The following LMNTD1 variants were observed in gnomAD, a reference collection of about 807,000 sequenced individuals.
LMNTD1 encodes the protein lamin tail domain containing 1, also known as lamin tail domain-containing protein 1.
LMNTD1 carries 35 observed loss-of-function variants against 50.9 expected under a neutral mutation model. The ratio of observed to expected loss-of-function variants is 0.69; its 90% CI spans 0.53 to 0.91. The LOEUF is 0.91. LMNTD1 is among the 40% of genes least tolerant of loss of function. The probability of loss-of-function intolerance (pLI) is 0.00; values close to 1 mark genes in which losing one functional copy is unlikely to be tolerated. For missense variants in LMNTD1, 470 were observed against 475.5 expected, an observed-to-expected ratio of 0.99 and a Z score of 0.11; for synonymous variants, 153 against 161.9, an observed-to-expected ratio of 0.94 and a Z score of 0.42.
chr12:25,582,601 A>G (rs1017764044), intron 1 of LMNTD1: 2 of 152,254 alleles, frequency 1.3e-5, no homozygotes, highest in African/African-American at 4.8e-5. Flanking sequence ...TCATGAAACC[A>G]TACATCTGGA....
chr12:25,524,401 A>G (rs1941564282), intron 6 of LMNTD1, among the ~76,000 whole-genome samples: 1 of 152,224 alleles, frequency 6.6e-6, no homozygotes, highest in Non-Finnish European at 1.5e-5. Flanking sequence ...AGGCACAGTT[A>G]CTTGTGCTTA....
rs139538324 is a variant in LMNTD1, at chr12:25,526,906, C to T, written c.541G>A (p.Val181Met). The T allele has an allele frequency of 3.8e-5, 62 of 1,611,580 alleles. No individual in the cohort carries two copies. The highest frequency in any genetic ancestry group is 4.8e-5 in the Non-Finnish European group (57 of 1,178,904). ...IAEVNVKGLF[V>M]KLINSSLDKE... ...TCAAGGGAAGAGTTAATGAGCTTCA[C>T]GAACAAACCCTTGACATTCACTTCA... The change falls in exon 5 of 10, where the codon GTG becomes ATG. Residue 181 changes from valine (V) to methionine (M), a missense_variant. Transcript: ENST00000458174.
chr12:25,538,441 T>A (rs1289297551), intron 4 of LMNTD1, among the ~76,000 whole-genome samples: 2 of 147,350 alleles, frequency 1.4e-5, no homozygotes, highest in Admixed American at 1.4e-4. Context: ...AGAAAAGAAT[T>A]TTCAACCCAG....
At chr12:25,606,158 G>A (rs2136521887) in intron 1 of LMNTD1, among the ~76,000 whole-genome samples, 1 of 152,260 alleles carries the variant, frequency 6.6e-6, no homozygotes, top group Middle Eastern at 3.4e-3. Context: ...GTATAAGAAT[G>A]CTTCTGATTT....
intron 9 of LMNTD1, among the ~76,000 whole-genome samples, chr12:25,484,536 G>A (rs1052013993): frequency 6.6e-6 from 1 of 151,520 alleles, no homozygotes; most frequent in African/African-American, 2.4e-5. Context: ...TAAGTTTTAG[G>A]GTACATGTGC....
chr12:25,625,049 T>C (rs908303732), intron 1 of LMNTD1, among the ~76,000 whole-genome samples: 1 of 152,200 alleles, frequency 6.6e-6, no homozygotes, highest in Admixed American at 6.5e-5. Flanking sequence ...TTCACACATA[T>C]ACCAGACACA....
chr12:25,639,497 A>G (rs79984232), intron 1 of LMNTD1, among the ~76,000 whole-genome samples: 1 of 152,342 alleles, frequency 6.6e-6, no homozygotes, highest in African/African-American at 2.4e-5. Context: ...AAAATGGGTA[A>G]AGAAGTTGAA....
At chr12:25,580,538 C>T (rs997873604) in intron 1 of LMNTD1, among the ~76,000 whole-genome samples, 5 of 152,126 alleles carry the variant, frequency 3.3e-5, no homozygotes, top group African/African-American at 1.2e-4. Context: ...ATAATATCCT[C>T]ATATAGTTGT....
chr12:25,526,068 A>G, intron 6 of LMNTD1, 31 bp downstream of exon 6: 2 of 1,531,974 alleles, frequency 1.3e-6, no homozygotes, highest in Non-Finnish European at 1.7e-6. Context: ...ATTTAAAAAA[A>G]AAAAACGATT....
intron 1 of LMNTD1, among the ~76,000 whole-genome samples, chr12:25,626,166 T>C (rs759013896): frequency 1.8e-4 from 28 of 152,208 alleles, no homozygotes; most frequent in Admixed American, 5.2e-4. Flanking sequence ...GATTAGCCTT[T>C]CACATTTCTA....
chr12:25,633,068 A>G (rs916984267), intron 1 of LMNTD1, among the ~76,000 whole-genome samples: 2 of 152,192 alleles, frequency 1.3e-5, no homozygotes, highest in African/African-American at 4.8e-5. Flanking sequence ...ACAGCAGTTA[A>G]AAGAGACAAA....
intron 1 of LMNTD1, among the ~76,000 whole-genome samples, chr12:25,579,952 T>A (rs371433117): frequency 2.0e-5 from 3 of 152,202 alleles, no homozygotes; most frequent in African/African-American, 4.8e-5. Flanking sequence ...ATTTGGGTTC[T>A]CTGATACCCA....
At chr12:25,506,578 T>C (rs1247995766) in intron 8 of LMNTD1, among the ~76,000 whole-genome samples, 2 of 151,878 alleles carry the variant, frequency 1.3e-5, no homozygotes, top group African/African-American at 4.8e-5. Context: ...GAAAGCACAT[T>C]CTCTCTAGGT....
At chr12:25,483,825 G>A (rs1415281308) in intron 9 of LMNTD1, among the ~76,000 whole-genome samples, 1 of 151,684 alleles carries the variant, frequency 6.6e-6, no homozygotes, top group African/African-American at 2.4e-5. Context: ...AGTTCCTTGG[G>A]TAATAACCCC....
In LMNTD1 at chr12:25,643,606, A is replaced by G. The variant is rs369083711; in HGVS notation, c.58+4888T>C. Among the ~76,000 whole-genome samples, 11 of 152,332 alleles carry G rather than the reference A, an allele frequency of 7.2e-5. No individual in the cohort carries two copies. The East Asian group carries it at 2.1e-3, about 29-fold the overall frequency. On this transcript the variant is annotated intron_variant, in intron 1 of 7. Coordinates refer to the LMNTD1 transcript ENST00000445693. ...CATGTGCATTCCAATTTTTAAACCGATTGCTGACAACAGGAATTGAGCTGC... is the reference window on the plus strand; with the variant it reads ...CATGTGCATTCCAATTTTTAAACCGGTTGCTGACAACAGGAATTGAGCTGC...
intron 1 of LMNTD1, among the ~76,000 whole-genome samples, chr12:25,561,534 A>C (rs1944324402): frequency 6.6e-6 from 1 of 152,114 alleles, no homozygotes; most frequent in Non-Finnish European, 1.5e-5. Context: ...GTTCTTTTAC[A>C]TTTGCTGAGG....
At chr12:25,615,620 C>T (rs531374141) in intron 1 of LMNTD1, among the ~76,000 whole-genome samples, 5 of 152,026 alleles carry the variant, frequency 3.3e-5, no homozygotes, top group African/African-American at 1.2e-4. Context: ...GCCACCACAC[C>T]CAGCTAATTT....
In LMNTD1 at chr12:25,550,064, T is replaced by C. The variant is rs183811883; in HGVS notation, c.90-518A>G. 5.1e-4 allele frequency among the ~76,000 whole-genome samples: 77 copies of C among 152,324 alleles called. 1 individual carries two copies. The highest frequency in any genetic ancestry group is 1.3e-3 in the African/African-American group (55 of 41,580). ...ACTAACTTTTCTATATTAATTAAGA[T>C]TGTTTAGTGAATGTCTGCCTTCAAA... is the stretch of plus-strand genomic sequence containing the variant. On this transcript the variant is annotated intron_variant, in intron 2 of 9. Coordinates refer to ENST00000458174, the MANE Select transcript of LMNTD1 (RefSeq NM_001145728.2).
intron 1 of LMNTD1, among the ~76,000 whole-genome samples, chr12:25,582,903 A>G (rs1565500768): frequency 2.6e-5 from 4 of 152,202 alleles, no homozygotes; most frequent in Non-Finnish European, 5.9e-5. Flanking sequence ...GCTGGAGTGC[A>G]GTAGCACGAT....
Sources: gnomAD v4.1 joint callset for allele counts (sites outside exome capture counted in the v4.1 genomes callset) on GRCh38, gnomAD v4.1.1 for gene constraint, MANE v1.5 for transcripts, NCBI Gene and HGNC (gene_info 2026-07-23, HGNC 2026-07-21) for gene names.